DNAH8: variants seen among roughly 807,000 people sequenced by gnomAD.
DNAH8 encodes the protein dynein axonemal heavy chain 8.
In DNAH8, 382 loss-of-function variants were observed where a neutral mutation model predicts 562.1. The observed-to-expected ratio is 0.68, with a 90% CI of 0.63 to 0.74. The LOEUF (loss-of-function observed/expected upper bound fraction) is 0.74, where lower values mean the gene tolerates loss of function less well. Ranked by LOEUF, DNAH8 falls within the 30% of genes least tolerant of loss-of-function variation. The pLI, the probability that DNAH8 is intolerant of heterozygous loss-of-function variation, is 0.00. For synonymous variants in DNAH8, 1,881 were observed against 1,919.4 expected (o/e 0.98, Z 0.52); for missense variants, 5,203 against 5,620.4 (o/e 0.93, Z 2.37).
intron 79 of DNAH8, among the ~76,000 whole-genome samples, chr6:38,942,309 C>A (rs1451251006): frequency 1.3e-5 from 2 of 152,066 alleles, no homozygotes; most frequent in African/African-American, 2.4e-5. Flanking sequence ...CTAATATGAC[C>A]CCTGAGAAGG....
chr6:38,853,153 T>A (rs1775896332), intron 40 of DNAH8, 33 bp from the exon 41 acceptor site: 1 of 1,559,120 alleles, frequency 6.4e-7, no homozygotes, highest in African/African-American at 1.4e-5. Flanking sequence ...CAAATTATTA[T>A]CAATTTATAA....
intron 62 of DNAH8, among the ~76,000 whole-genome samples, chr6:38,903,902 G>T (rs191097425): frequency 6.8e-4 from 104 of 151,956 alleles, no homozygotes; most frequent in Middle Eastern, 6.8e-3. Context: ...GAGCCACCGC[G>T]CCCAGCCACA....
At chr6:38,887,748 T>TA (rs1779047713) in intron 57 of DNAH8, among the ~76,000 whole-genome samples, 1 of 151,654 alleles carries the variant, frequency 6.6e-6, no homozygotes, top group Admixed American at 6.6e-5. Context: ...CAAAACCTCT[T>TA]ACATACACGA....
chr6:38,988,192 A>G (rs1175409151), intron 87 of DNAH8, among the ~76,000 whole-genome samples: 32 of 152,174 alleles, frequency 2.1e-4, no homozygotes, highest in Non-Finnish European at 2.9e-5. Flanking sequence ...TCTCTCTGCT[A>G]AAAGCGATTG....
At chr6:38,751,862 T>C (rs1765486187) in intron 9 of DNAH8, among the ~76,000 whole-genome samples, 2 of 152,210 alleles carry the variant, frequency 1.3e-5, no homozygotes, top group African/African-American at 4.8e-5. Flanking sequence ...TTGTAAATCA[T>C]TTGTAGGCAG....
Position 38,908,125 on chromosome 6 carries a change from G to T in DNAH8, c.9513+5G>T. 1.3e-6 allele frequency: 2 copies of T among 1,528,016 alleles called. No homozygotes were observed. The highest frequency in any genetic ancestry group is 1.8e-6 in the Non-Finnish European group (2 of 1,135,944). The allele number at this position is 1,528,016 out of a possible 1,614,324, so 94.7% of individuals were successfully genotyped here. On this transcript the variant is annotated splice_donor_5th_base_variant and intron_variant, in intron 64 of 92. Coordinates refer to ENST00000327475, the MANE Select transcript of DNAH8 (RefSeq NM_001206927.2). The stretch of plus-strand genomic sequence containing the variant: ...GTTGTTCTCTGCTTTTCTCCAGTAA[G>T]TTTTTATTTTTATTTATATCTACGT...
At chr6:38,898,200 A>T in intron 60 of DNAH8, 58 bp from the exon 61 acceptor site, 2 of 1,443,880 alleles carry the variant, frequency 1.4e-6, no homozygotes, top group African/African-American at 1.5e-5. Context: ...TACAATTGCT[A>T]CTTTAATACA....
At chr6:38,973,624 T>C in intron 83 of DNAH8, 37 bp from the exon 84 acceptor site, 1 of 1,509,078 alleles carries the variant, frequency 6.6e-7, no homozygotes. Flanking sequence ...AGCAAAAAGG[T>C]TACAAGAAAT....
chr6:38,747,384 C>CTTTTTTTTTTTTTTTTTTT (rs55729629), intron 8 of DNAH8, among the ~76,000 whole-genome samples: 5 of 113,762 alleles, frequency 4.4e-5, no homozygotes, highest in East Asian at 2.8e-4. Context: ...TTTTCTTTTT[C>CTTTTTTTTTTTTTTTTTTT]TTTTTTTTTT....
At chr6:38,904,665 G>A (rs1199352154) in intron 62 of DNAH8, among the ~76,000 whole-genome samples, 4 of 151,746 alleles carry the variant, frequency 2.6e-5, no homozygotes, top group South Asian at 2.1e-4. Context: ...AGTGACAGGC[G>A]CCTGTAATCC....
chr6:38,828,535 T>G (rs191468773), intron 30 of DNAH8, among the ~76,000 whole-genome samples: 208 of 152,296 alleles, frequency 1.4e-3, no homozygotes, highest in Admixed American at 0.011. Context: ...TTCAGTATAG[T>G]AACATGCTGT....
chr6:38,897,993 A>G (rs1051555750), intron 60 of DNAH8, among the ~76,000 whole-genome samples: 5 of 152,216 alleles, frequency 3.3e-5, no homozygotes, highest in African/African-American at 1.2e-4. Flanking sequence ...TCCTATATTA[A>G]TGTGTTAATT....
chr6:38,842,737 GT>G lies in DNAH8; in HGVS notation c.4680del (p.Ser1560ArgfsTer9), dbSNP rs1562964863. The G allele has an allele frequency of 6.2e-7, 1 of 1,613,872 alleles. No individual in the cohort carries two copies. Among genetic ancestry groups the G allele is most frequent in the South Asian group, 1.1e-5 (1 of 91,064 alleles). On this transcript the variant is annotated frameshift_variant, in exon 35 of 93. Transcript: ENST00000327475. LOFTEE classifies it high-confidence loss of function. ...LDLKKRIDDF[S>X]ESCPLLEMMT... ...CTCAAAAAGAGAATTGATGATTTCA[GT>G]GAGTCATGTCCTCTACTGGAAATGA...
chr6:38,957,022 C>T (rs898730960), intron 82 of DNAH8, among the ~76,000 whole-genome samples: 4 of 152,120 alleles, frequency 2.6e-5, no homozygotes, highest in African/African-American at 4.8e-5. Context: ...AAAGACCCAG[C>T]TATATGCTGC....
chr6:38,757,204 A>T lies in DNAH8; in HGVS notation c.1515+1125A>T, dbSNP rs549141496. 1.3e-3 allele frequency among the ~76,000 whole-genome samples: 203 copies of T among 151,396 alleles called. 1 individual carries two copies. The highest frequency in any genetic ancestry group is 4.8e-3 in the African/African-American group (200 of 41,414). Reference sequence around the variant, plus strand: ...CCTGTTGTTTCCTGACTTTTTAATGATCGCCATTCTAACTGGTGTGAGATG... The same window carrying T: ...CCTGTTGTTTCCTGACTTTTTAATGTTCGCCATTCTAACTGGTGTGAGATG... On this transcript the variant is annotated intron_variant, in intron 10 of 92. Transcript: ENST00000327475.
In DNAH8 at chr6:38,737,161, C is replaced by T; in HGVS notation, c.857C>T (p.Thr286Ile). 6.3e-7 allele frequency: 1 copy of T among 1,583,272 alleles called. No individual in the cohort carries two copies. Among genetic ancestry groups the T allele is most frequent in the East Asian group, 2.3e-5 (1 of 43,086 alleles). Reference sequence around the variant, plus strand: ...ATATTTCTACCAGCTGTTCTTGCAACAAACAACTGGGGTGCTTTAAACCAG... The same window carrying T: ...ATATTTCTACCAGCTGTTCTTGCAATAAACAACTGGGGTGCTTTAAACCAG... ...ANIFLPAVLA[T>I]NNWGALNQSK... The change falls in exon 6 of 93, where the codon ACA becomes ATA. Residue 286 changes from threonine (T) to isoleucine (I), a missense_variant. Physicochemically the swap from Thr to Ile is moderately conservative, Grantham distance 89. Around this residue, in one of 6 missense-constraint regions of DNAH8, gnomAD observed 556 missense variants for 496.9 expected, o/e 1.12. Coordinates refer to ENST00000327475, the MANE Select transcript of DNAH8 (RefSeq NM_001206927.2).
At position 38,945,523 on chromosome 6, in the gene DNAH8, G is replaced by C. The variant is rs1216481348; in HGVS notation, c.12064G>C (p.Asp4022His). 6.2e-7 allele frequency: 1 copy of C among 1,614,170 alleles called. No homozygotes were observed. Among genetic ancestry groups the C allele is most frequent in the South Asian group, 1.1e-5 (1 of 91,072 alleles). The change falls in exon 80 of 93, where the codon GAC becomes CAC. Residue 4022 changes from aspartate (D) to histidine (H), a missense_variant. Around this residue, in one of 6 missense-constraint regions of DNAH8, gnomAD observed 1,399 missense variants for 1,518.4 expected, o/e 0.92. Coordinates refer to ENST00000327475, the MANE Select transcript of DNAH8 (RefSeq NM_001206927.2). ...TCCCAAACCCTATCGCTGGATCCTT[G>C]ACATGACTTGGCTGAATCTTGTGGA... ...CPPKPYRWIL[D>H]MTWLNLVELS...
intron 57 of DNAH8, among the ~76,000 whole-genome samples, chr6:38,889,058 C>T (rs1300681911): frequency 6.6e-6 from 1 of 152,134 alleles, no homozygotes; most frequent in African/African-American, 2.4e-5. Flanking sequence ...CACATGCATG[C>T]CAGCAGACTT....
chr6:38,746,280 TTTGGCCA>T (rs1372572832), intron 8 of DNAH8, among the ~76,000 whole-genome samples: 1 of 152,226 alleles, frequency 6.6e-6, no homozygotes, highest in Non-Finnish European at 1.5e-5. Flanking sequence ...TTGTTTCCTC[TTTGGCCA>T]TCGGGAAATC....
Sources: allele counts gnomAD v4.1 joint callset (sites outside exome capture counted in the v4.1 genomes callset), GRCh38; gene constraint gnomAD v4.1.1; regional missense constraint gnomAD v4.1.1; transcripts MANE v1.5; gene names NCBI Gene and HGNC (gene_info 2026-07-23, HGNC 2026-07-21).